The following NFIA variants were observed in gnomAD, a reference collection of about 807,000 sequenced individuals.
NFIA encodes the protein nuclear factor I A, also known as nuclear factor 1 A-type.
Under a neutral mutation model 62.8 loss-of-function variants are expected in NFIA, and 8 were observed. That is an observed-to-expected ratio of 0.13 (90% CI 0.07 to 0.23). NFIA has a LOEUF of 0.23. Ranked by LOEUF, NFIA falls within the 10% of genes least tolerant of loss-of-function variation. The probability of loss-of-function intolerance (pLI) is 1.00; values close to 1 mark genes in which losing one functional copy is unlikely to be tolerated. For missense variants in NFIA, 410 were observed against 642.1 expected (o/e 0.64, Z 3.91); for synonymous variants, 235 against 238.1 (o/e 0.99, Z 0.12).
intron 3 of NFIA, among the ~76,000 whole-genome samples, chr1:61,286,800 A>G (rs1658531117): frequency 1.3e-5 from 2 of 152,236 alleles, no homozygotes; most frequent in East Asian, 1.9e-4. Flanking sequence ...ACTGTCTTAT[A>G]AAGGGTGGTA....
intron 3 of NFIA, among the ~76,000 whole-genome samples, chr1:61,322,828 G>C (rs1264560410): frequency 6.6e-6 from 1 of 152,222 alleles, no homozygotes; most frequent in Non-Finnish European, 1.5e-5. Flanking sequence ...GTCCCCAAGA[G>C]TAAGGACCTT....
chr1:61,276,142 A>G (rs1192564214), intron 2 of NFIA, among the ~76,000 whole-genome samples: 2 of 152,342 alleles, frequency 1.3e-5, no homozygotes, highest in East Asian at 3.9e-4. Context: ...GAATCAACAT[A>G]GAATTTTTGC....
At chr1:61,311,423 C>T (rs1660111659) in intron 3 of NFIA, among the ~76,000 whole-genome samples, 1 of 151,744 alleles carries the variant, frequency 6.6e-6, no homozygotes, top group South Asian at 2.1e-4. Flanking sequence ...AAAAAACATA[C>T]TGTAGGGAGT....
At chr1:61,337,527 G>A (rs1200361723) in intron 4 of NFIA, among the ~76,000 whole-genome samples, 1 of 152,138 alleles carries the variant, frequency 6.6e-6, no homozygotes, top group African/African-American at 2.4e-5. Flanking sequence ...TAGATGCTGT[G>A]CCAGAGAGAG....
intron 2 of NFIA, among the ~76,000 whole-genome samples, chr1:61,264,682 G>GATA (rs1657044172): frequency 2.3e-5 from 3 of 131,982 alleles, no homozygotes; most frequent in Non-Finnish European, 4.8e-5. Flanking sequence ...AAAAAAAAAG[G>GATA]ATTTCCCGAA....
At chr1:61,399,170 T>A (rs1557757736) in intron 7 of NFIA, among the ~76,000 whole-genome samples, 1 of 152,206 alleles carries the variant, frequency 6.6e-6, no homozygotes, top group Non-Finnish European at 1.5e-5. Context: ...ATAATGGCGC[T>A]AACAGAGAAA....
At chr1:61,426,762 TAGA>T (rs948952266) in intron 10 of NFIA, among the ~76,000 whole-genome samples, 2 of 152,080 alleles carry the variant, frequency 1.3e-5, no homozygotes, top group Admixed American at 6.6e-5. Context: ...ATTGAGTGGG[TAGA>T]AGAAGAACTG....
chr1:61,366,602 AGTT>A (rs1462393881), intron 6 of NFIA, among the ~76,000 whole-genome samples: 3 of 152,194 alleles, frequency 2.0e-5, no homozygotes, highest in Admixed American at 6.5e-5. Context: ...GCAAAGAGTA[AGTT>A]GTTCTCATTT....
intron 3 of NFIA, among the ~76,000 whole-genome samples, chr1:61,330,049 TA>T (rs1192719672): frequency 6.6e-6 from 1 of 152,068 alleles, no homozygotes; most frequent in Non-Finnish European, 1.5e-5. Flanking sequence ...GCCAAAAAAC[TA>T]GATGAGTGGC....
intron 6 of NFIA, among the ~76,000 whole-genome samples, chr1:61,371,940 TAGA>T (rs1663908085): frequency 6.6e-6 from 1 of 152,090 alleles, no homozygotes; most frequent in African/African-American, 2.4e-5. Context: ...ATTGCATGAG[TAGA>T]AGAAGCCGCA....
intron 3 of NFIA, among the ~76,000 whole-genome samples, chr1:61,282,254 A>G (rs1658181221): frequency 6.6e-6 from 1 of 152,030 alleles, no homozygotes; most frequent in African/African-American, 2.4e-5. Flanking sequence ...ATGCTTGATT[A>G]CCGTAGGGAA....
At chr1:61,234,168 G>A (rs112114687) in intron 2 of NFIA, among the ~76,000 whole-genome samples, 1 of 151,930 alleles carries the variant, frequency 6.6e-6, no homozygotes, top group African/African-American at 2.4e-5. Flanking sequence ...GGGAGTTTGC[G>A]ACCAGCCTGA....
intron 2 of NFIA, among the ~76,000 whole-genome samples, chr1:61,156,671 C>T (rs1648839758): frequency 6.6e-6 from 1 of 152,152 alleles, no homozygotes; most frequent in Non-Finnish European, 1.5e-5. Context: ...TTGACTGGTC[C>T]CCAGTGCCCT....
intron 6 of NFIA, among the ~76,000 whole-genome samples, chr1:61,361,501 C>T (rs1379496152): frequency 6.6e-6 from 1 of 151,792 alleles, no homozygotes; most frequent in Non-Finnish European, 1.5e-5. Flanking sequence ...CATTTTTGTG[C>T]ATATTGAAGC....
intron 2 of NFIA, among the ~76,000 whole-genome samples, chr1:61,091,340 A>G (rs976606040): frequency 2.0e-5 from 3 of 149,974 alleles, no homozygotes; most frequent in South Asian, 2.1e-4. Context: ...TGCAGAATCA[A>G]TCTTTTTTTT....
intron 2 of NFIA, among the ~76,000 whole-genome samples, chr1:61,263,035 AT>A (rs572439640): frequency 1.3e-3 from 201 of 152,306 alleles, no homozygotes; most frequent in African/African-American, 4.6e-3. Context: ...TTCCCATCTC[AT>A]TTGAAGAGTT....
chr1:61,207,965 G>A (rs1653003966), intron 2 of NFIA, among the ~76,000 whole-genome samples: 1 of 148,496 alleles, frequency 6.7e-6, no homozygotes, highest in South Asian at 2.1e-4. Context: ...CCTTGGAAAT[G>A]CACTGAACCT....
At chr1:61,181,174 G>A (rs925642873) in intron 2 of NFIA, among the ~76,000 whole-genome samples, 1 of 152,212 alleles carries the variant, frequency 6.6e-6, no homozygotes, top group African/African-American at 2.4e-5. Flanking sequence ...AGATGCTGTT[G>A]CAGATGGAGT....
At chr1:61,087,939 T>TAA (rs1646247611) in intron 1 of NFIA, among the ~76,000 whole-genome samples, 2 of 152,270 alleles carry the variant, frequency 1.3e-5, no homozygotes, top group Non-Finnish European at 1.5e-5. Flanking sequence ...GCAGTTTTTT[T>TAA]ATTTCCGATC....
Sources: allele counts gnomAD v4.1 joint callset (sites outside exome capture counted in the v4.1 genomes callset), GRCh38; gene constraint gnomAD v4.1.1; transcripts MANE v1.5; gene names NCBI Gene and HGNC (gene_info 2026-07-23, HGNC 2026-07-21).